PITPNC1: variants seen among roughly 807,000 people sequenced by gnomAD.
The protein encoded by PITPNC1 is phosphatidylinositol transfer protein cytoplasmic 1, also known as cytoplasmic phosphatidylinositol transfer protein 1.
PITPNC1 carries 18 observed loss-of-function variants against 44.7 expected under a neutral mutation model. The observed-to-expected ratio is 0.40, with a 90% confidence interval of 0.28 to 0.60. The LOEUF (loss-of-function observed/expected upper bound fraction) is 0.60. Among genes scored for constraint, PITPNC1 ranks in the 20% least tolerant of loss-of-function variants. PITPNC1 has a pLI of 0.39. For synonymous variants in PITPNC1, 141 were observed against 149.6 expected (o/e 0.94, Z 0.42); for missense variants, 290 against 418.4 (o/e 0.69, Z 2.68).
chr17:67,444,544 C>G (rs867915605), intron 1 of PITPNC1, among the ~76,000 whole-genome samples: 9 of 152,188 alleles, frequency 5.9e-5, no homozygotes, highest in Middle Eastern at 3.4e-3. Context: ...AAGGAAAAAA[C>G]TTTGCCTTTG....
At chr17:67,573,240 G>A (rs1489794286) in intron 4 of PITPNC1, among the ~76,000 whole-genome samples, 1 of 152,148 alleles carries the variant, frequency 6.6e-6, no homozygotes, top group Non-Finnish European at 1.5e-5. Flanking sequence ...AATTTGCGAT[G>A]TTGATTTGGG....
In PITPNC1 at chr17:67,695,422, A is replaced by G. The variant is rs1380854147; in HGVS notation, c.*2534A>G. ...AAGCCTGCAATGGATGTATATATAC[A>G]GAACATTAATAATTCTTAGAAGGAT... On this transcript the variant is annotated 3_prime_UTR_variant, in exon 9 of 9. Transcript: ENST00000581322. 1.3e-5 allele frequency: 2 copies of G among 152,046 alleles called. No individual in the cohort carries two copies. 9.4% of individuals were successfully genotyped at this position (152,046 alleles called of 1,614,324 possible).
chr17:67,386,358 A>G lies in PITPNC1; in HGVS notation c.48+8156A>G, dbSNP rs548179816. 8.7e-4 allele frequency among the ~76,000 whole-genome samples: 133 copies of G among 152,120 alleles called. 3 individuals carry two copies. The South Asian group carries it at 0.018, about 21-fold the overall frequency. ...CAGGCGCCTGCCAGCATGTCCAGCT[A>G]ATTTTTGTATTTTTAGTAGAGTCGG... is the stretch of plus-strand genomic sequence containing the variant. On this transcript the variant is annotated intron_variant, in intron 1 of 8. Transcript: ENST00000581322.
At position 67,377,775 on chromosome 17, in the gene PITPNC1, GA is replaced by G. The variant is rs1024718164; in HGVS notation, c.-377del. 5.0e-5 allele frequency: 10 copies of G among 201,900 alleles called. No individual in the cohort carries two copies. Among genetic ancestry groups the G allele is most frequent in the African/African-American group, 2.3e-4 (10 of 43,346 alleles). The allele number at this position is 201,900 out of a possible 1,614,324, so 12.5% of individuals were successfully genotyped here. A position where few individuals can be genotyped will look rare whatever the true frequency, so the allele number is the denominator to read the frequency against. ...TTTTGTGCATTCGTTTTAATTTTTG[GA>G]AATCTCTCTTTTTTCCTCCCTCGCT... On this transcript the variant is annotated 5_prime_UTR_variant, in exon 1 of 9. Transcript: ENST00000581322.
chr17:67,649,115 C>T (rs2042182101), intron 6 of PITPNC1, among the ~76,000 whole-genome samples: 1 of 152,242 alleles, frequency 6.6e-6, no homozygotes, highest in South Asian at 2.1e-4. Flanking sequence ...GATTGCACCA[C>T]TGCACTCCAG....
chr17:67,687,542 A>T (rs1251309775), intron 8 of PITPNC1, among the ~76,000 whole-genome samples: 1 of 152,218 alleles, frequency 6.6e-6, no homozygotes, highest in Non-Finnish European at 1.5e-5. Flanking sequence ...TTTTAAAAAC[A>T]TAGCTAACAC....
chr17:67,429,969 A>G (rs1226624963), intron 1 of PITPNC1, among the ~76,000 whole-genome samples: 1 of 152,224 alleles, frequency 6.6e-6, no homozygotes, highest in East Asian at 1.9e-4. Flanking sequence ...GCATTTAGGA[A>G]TCATTTAGGA....
At position 67,558,286 on chromosome 17, in the gene PITPNC1, G is replaced by GA. The variant is rs374178999; in HGVS notation, c.294+4679dup. On this transcript the variant is annotated intron_variant, in intron 4 of 8. Transcript: ENST00000581322. ...AAAAACATCTTTAGCTTGCTTATGG[G>GA]AAAAAAAAAACACTTAATTATACAG... Among the ~76,000 whole-genome samples the GA allele has an allele frequency of 8.4e-3, 1,235 of 146,862 alleles. 13 individuals are homozygous for GA. The highest frequency in any genetic ancestry group is 0.028 in the African/African-American group (1,124 of 40,144).
intron 5 of PITPNC1, among the ~76,000 whole-genome samples, chr17:67,584,472 T>C (rs758355345): frequency 6.6e-6 from 1 of 152,216 alleles, no homozygotes; most frequent in East Asian, 1.9e-4. Context: ...AAGTTGTTCT[T>C]TGTGAAACAG....
intron 6 of PITPNC1, among the ~76,000 whole-genome samples, chr17:67,662,176 G>A (rs1044629698): frequency 4.6e-5 from 7 of 152,036 alleles, no homozygotes; most frequent in African/African-American, 4.8e-5. Context: ...CAACTTGGCC[G>A]GGTGCGGTAG....
At chr17:67,635,452 C>T (rs547772910) in intron 6 of PITPNC1, among the ~76,000 whole-genome samples, 2 of 151,934 alleles carry the variant, frequency 1.3e-5, no homozygotes, top group Admixed American at 6.6e-5. Flanking sequence ...GAGAGGTATA[C>T]GTTGGAGAAA....
At chr17:67,578,287 C>T (rs758877041) in intron 5 of PITPNC1, 30 bp downstream of exon 5, 35 of 1,480,656 alleles carry the variant, frequency 2.4e-5, no homozygotes, top group Admixed American at 1.2e-4. Flanking sequence ...ATGCTGCGCT[C>T]GCCTCGTGGG....
chr17:67,599,304 C>T (rs941486084), intron 5 of PITPNC1, among the ~76,000 whole-genome samples: 2 of 151,600 alleles, frequency 1.3e-5, no homozygotes, highest in African/African-American at 2.4e-5. Flanking sequence ...GTGAAATAAC[C>T]GGTAGGGAAT....
intron 1 of PITPNC1, among the ~76,000 whole-genome samples, chr17:67,468,840 T>C (rs966617615): frequency 1.2e-4 from 19 of 152,064 alleles, no homozygotes; most frequent in Non-Finnish European, 2.4e-4. Context: ...GCGATTCTCC[T>C]GCCTCAGCCT....
chr17:67,654,729 T>C (rs2042244846), intron 6 of PITPNC1, among the ~76,000 whole-genome samples: 1 of 152,088 alleles, frequency 6.6e-6, no homozygotes, highest in Non-Finnish European at 1.5e-5. Context: ...ACCTCCTGGG[T>C]TCAAGTGATT....
intron 1 of PITPNC1, among the ~76,000 whole-genome samples, chr17:67,434,333 G>C (rs149825591): frequency 6.6e-5 from 10 of 152,296 alleles, no homozygotes; most frequent in Admixed American, 1.3e-4. Context: ...TGTAAAATCT[G>C]CCCATTTACA....
At chr17:67,489,446 G>A (rs1568010896) in intron 1 of PITPNC1, among the ~76,000 whole-genome samples, 1 of 152,222 alleles carries the variant, frequency 6.6e-6, no homozygotes, top group Non-Finnish European at 1.5e-5. Flanking sequence ...GGATGACAAA[G>A]ATTGTGGTCA....
chr17:67,421,277 C>T (rs1399986678), intron 1 of PITPNC1, among the ~76,000 whole-genome samples: 4 of 152,138 alleles, frequency 2.6e-5, no homozygotes, highest in Admixed American at 2.6e-4. Flanking sequence ...AGAACGGTAA[C>T]TTTTATTTAT....
At chr17:67,477,648 C>T (rs2039649317) in intron 1 of PITPNC1, among the ~76,000 whole-genome samples, 1 of 152,138 alleles carries the variant, frequency 6.6e-6, no homozygotes, top group East Asian at 1.9e-4. Context: ...GATCCTCCAC[C>T]TCAGCCCCCC....
Sources: allele counts gnomAD v4.1 joint callset (sites outside exome capture counted in the v4.1 genomes callset), GRCh38; gene constraint gnomAD v4.1.1; transcripts MANE v1.5; gene names NCBI Gene and HGNC (gene_info 2026-07-23, HGNC 2026-07-21).